PTAR1: variants seen among roughly 807,000 people sequenced by gnomAD.
The protein encoded by PTAR1 is protein prenyltransferase alpha subunit repeat containing 1, also known as protein prenyltransferase alpha subunit repeat-containing protein 1.
PTAR1 carries 17 observed loss-of-function variants against 45.5 expected under a neutral mutation model. The ratio of observed to expected loss-of-function variants is 0.37; its 90% CI spans 0.26 to 0.56. PTAR1 has a LOEUF of 0.56. Among genes scored for constraint, PTAR1 ranks in the 20% least tolerant of loss-of-function variants. The pLI, the probability that PTAR1 is intolerant of heterozygous loss-of-function variation, is 0.77. For synonymous variants in PTAR1, 169 were observed against 171.3 expected (o/e 0.99, Z 0.11); for missense variants, 391 against 476.3 (o/e 0.82, Z 1.67).
At chr9:69,754,181 G>T (rs1826657469) in intron 1 of PTAR1, among the ~76,000 whole-genome samples, 1 of 152,034 alleles carries the variant, frequency 6.6e-6, no homozygotes. Flanking sequence ...AGCCAATTTC[G>T]AATAGGATTC....
chr9:69,729,941 C>T (rs1341301504), intron 5 of PTAR1, among the ~76,000 whole-genome samples: 2 of 152,110 alleles, frequency 1.3e-5, no homozygotes, highest in East Asian at 1.9e-4. Context: ...TACTAATACT[C>T]GATGCCAGCA....
rs989509517 is a variant in PTAR1, at chr9:69,733,509, G to A, written c.428+641C>T. ...TTGGTCAAATAAGAGTAGTTACACA[G>A]GGTCCAAGAGGAAGATGGTTCCAGG... On this transcript the variant is annotated intron_variant, in intron 4 of 7. Coordinates refer to ENST00000340434, the MANE Select transcript of PTAR1 (RefSeq NM_001099666.2). Among the ~76,000 whole-genome samples, 5 of 152,136 alleles carry A rather than the reference G, an allele frequency of 3.3e-5. No individual in the cohort carries two copies. The South Asian group carries it at 1.0e-3, about 32-fold the overall frequency.
chr9:69,744,418 C>T (rs138058282), intron 2 of PTAR1, among the ~76,000 whole-genome samples: 1,804 of 149,368 alleles, frequency 0.012, 43 homozygotes, highest in African/African-American at 0.042. Flanking sequence ...CGGAGGCTCA[C>T]TTTGTAGTAC....
intron 2 of PTAR1, among the ~76,000 whole-genome samples, chr9:69,748,511 GA>G (rs946284851): frequency 6.6e-6 from 1 of 151,970 alleles, no homozygotes; most frequent in Admixed American, 6.6e-5. Context: ...TGGTTAGGAA[GA>G]AAAAATCTAT....
chr9:69,736,052 G>A (rs1314907415), intron 3 of PTAR1, among the ~76,000 whole-genome samples: 2 of 151,862 alleles, frequency 1.3e-5, no homozygotes, highest in East Asian at 1.9e-4. Flanking sequence ...CATACAGTAA[G>A]TCAGGATACC....
chr9:69,740,036 C>A (rs183554656), intron 3 of PTAR1, among the ~76,000 whole-genome samples: 354 of 152,092 alleles, frequency 2.3e-3, no homozygotes, highest in Middle Eastern at 0.01. Flanking sequence ...GATAAAAAAA[C>A]CAAAACTCTT....
rs530669360 is a variant in PTAR1 at position 69,737,468 on chromosome 9, T to G, written c.324-3214A>C. Among the ~76,000 whole-genome samples the G allele has an allele frequency of 1.3e-4, 20 of 152,266 alleles. No individual in the cohort carries two copies. The South Asian group carries it at 4.1e-3, about 32-fold the overall frequency. On this transcript the variant is annotated intron_variant, in intron 3 of 7. Coordinates refer to ENST00000340434, the MANE Select transcript of PTAR1 (RefSeq NM_001099666.2). ...ATACAATTTCCACTCACAAACAGAT[T>G]CAAAAAGTGCTGTAGCTCAAACAAC...
intron 6 of PTAR1, among the ~76,000 whole-genome samples, chr9:69,720,858 G>A (rs1056181515): frequency 2.6e-5 from 4 of 152,118 alleles, no homozygotes; most frequent in African/African-American, 9.7e-5. Flanking sequence ...CCACTGTTGA[G>A]ACCTGCTGCT....
intron 5 of PTAR1, among the ~76,000 whole-genome samples, chr9:69,731,472 G>A (rs1375650340): frequency 6.6e-6 from 1 of 152,156 alleles, no homozygotes; most frequent in Non-Finnish European, 1.5e-5. Context: ...ATAATAAGTG[G>A]TACAACTGTA....
At chr9:69,722,857 T>C (rs1173041072) in intron 6 of PTAR1, among the ~76,000 whole-genome samples, 1 of 148,854 alleles carries the variant, frequency 6.7e-6, no homozygotes, top group Non-Finnish European at 1.5e-5. Flanking sequence ...GAGAATTGCT[T>C]GAACCTTGGA....
At chr9:69,735,740 G>C (rs1192678468) in intron 3 of PTAR1, among the ~76,000 whole-genome samples, 4 of 151,864 alleles carry the variant, frequency 2.6e-5, no homozygotes, top group Non-Finnish European at 5.9e-5. Flanking sequence ...GTGTAGGGCT[G>C]ATTATTCATT....
At chr9:69,758,198 T>C (rs901852337) in intron 1 of PTAR1, 3 of 152,216 alleles carry the variant, frequency 2.0e-5, no homozygotes, top group African/African-American at 7.2e-5. Flanking sequence ...TGTTAAAAAC[T>C]GCCAAGCCAA....
intron 1 of PTAR1, among the ~76,000 whole-genome samples, chr9:69,753,911 T>C (rs1039298058): frequency 1.3e-5 from 2 of 152,174 alleles, no homozygotes; most frequent in African/African-American, 4.8e-5. Flanking sequence ...AACCAAATAA[T>C]GTCATGTGAA....
intron 5 of PTAR1, 137 bp from the exon 6 acceptor site, chr9:69,723,767 AGCACAGTG>A: frequency 4.5e-6 from 3 of 671,486 alleles, no homozygotes; most frequent in Non-Finnish European, 7.4e-6. Flanking sequence ...CACAATGTCT[AGCACAGTG>A]CTCTCACTTA....
chr9:69,734,820 ATT>A (rs1176242943), intron 3 of PTAR1, among the ~76,000 whole-genome samples: 5 of 152,198 alleles, frequency 3.3e-5, no homozygotes, highest in Non-Finnish European at 7.3e-5. Flanking sequence ...TCACACATAC[ATT>A]TTAACATATA....
Position 69,718,365 on chromosome 9 carries a change from A to G in PTAR1, c.1186T>C (p.Trp396Arg). 1 of 1,608,918 alleles carries G rather than the reference A, an allele frequency of 6.2e-7. No individual in the cohort carries two copies. Among genetic ancestry groups the G allele is most frequent in the East Asian group, 2.2e-5 (1 of 44,754 alleles). Residue 396 changes from tryptophan (W) to arginine (R), a missense_variant, in exon 8 of 8, where the codon TGG (tryptophan) becomes CGG (arginine). Physicochemically the swap from Trp to Arg is moderately radical, Grantham distance 101. Transcript: ENST00000340434. ...QARFASAYRKWLVTLSQ is the reference protein window; with the variant it reads ...QARFASAYRKRLVTLSQ ...TTTCATTGACTCAAAGTAACCAGCC[A>G]TTTCCTGTATGCACTGGCAAACCTG...
At chr9:69,731,952 A>C (rs967088955) in intron 5 of PTAR1, 187 bp downstream of exon 5, 6 of 594,030 alleles carry the variant, frequency 1.0e-5, no homozygotes, top group Admixed American at 3.0e-5. Context: ...CAAAAACAGC[A>C]CTAGTGGGGA....
intron 1 of PTAR1, among the ~76,000 whole-genome samples, chr9:69,751,462 AAC>A (rs1451933728): frequency 1.3e-5 from 2 of 152,148 alleles, no homozygotes; most frequent in African/African-American, 4.8e-5. Flanking sequence ...CAAAATGCTG[AAC>A]ACAGTGTACA....
At chr9:69,736,644 ACCTT>A (rs1205873891) in intron 3 of PTAR1, among the ~76,000 whole-genome samples, 1 of 152,170 alleles carries the variant, frequency 6.6e-6, no homozygotes, top group Non-Finnish European at 1.5e-5. Context: ...ATAACTGTCT[ACCTT>A]TATTCCCATA....
Sources: allele counts gnomAD v4.1 joint callset (sites outside exome capture counted in the v4.1 genomes callset), GRCh38; gene constraint gnomAD v4.1.1; transcripts MANE v1.5; gene names NCBI Gene and HGNC (gene_info 2026-07-23, HGNC 2026-07-21).